The following STMN3 variants were observed in gnomAD, a reference collection of about 807,000 sequenced individuals.
STMN3 encodes the protein stathmin 3.
STMN3 carries 24 observed loss-of-function variants against 23.2 expected under a neutral mutation model. The observed-to-expected ratio is 1.03, with a 90% CI of 0.75 to 1.45. The LOEUF (loss-of-function observed/expected upper bound fraction) is 1.45. STMN3 is among the 40% of genes most tolerant of loss of function. The probability of loss-of-function intolerance (pLI) is 0.00; values close to 1 mark genes in which losing one functional copy is unlikely to be tolerated. For synonymous variants in STMN3, 117 were observed against 103.4 expected (o/e 1.13, Z -0.80); for missense variants, 235 against 237.6 (o/e 0.99, Z 0.07).
chr20:63,647,981 CATATAT>C (rs1233387390), intron 1 of STMN3, among the ~76,000 whole-genome samples: 2 of 68,732 alleles, frequency 2.9e-5, no homozygotes, highest in African/African-American at 1.2e-4. Flanking sequence ...TATATATATA[CATATAT>C]ATATACAGAG....
intron 1 of STMN3, among the ~76,000 whole-genome samples, chr20:63,645,517 G>A (rs2089802337): frequency 6.6e-6 from 1 of 152,216 alleles, no homozygotes; most frequent in South Asian, 2.1e-4. Flanking sequence ...GAAGCAAGCC[G>A]GGCTCCTGTG....
At position 63,652,503 on chromosome 20, in the gene STMN3, C is replaced by T; in HGVS notation, c.19+824G>A. On this transcript the variant is annotated intron_variant, in intron 1 of 4. Coordinates refer to ENST00000370053, the MANE Select transcript of STMN3 (RefSeq NM_015894.4). The surrounding 1 kb of genome is among the most constrained non-coding windows in gnomAD (Gnocchi z 5.3). ...CCCTGCGTCCAGAATCCGCCCCCCGCCCGGGCCTGCGCCCGCCCCTCCGCC... is the reference window on the plus strand; with the variant it reads ...CCCTGCGTCCAGAATCCGCCCCCCGTCCGGGCCTGCGCCCGCCCCTCCGCC... The T allele has an allele frequency of 2.2e-6, 2 of 921,496 alleles. No individual in the cohort carries two copies. The highest frequency in any genetic ancestry group is 5.0e-5 in the South Asian group (1 of 20,008). The allele number at this position is 921,496 out of a possible 1,614,324, so 57.1% of individuals were successfully genotyped here.
At position 63,643,770 on chromosome 20, in the gene STMN3, C is replaced by T. The variant is rs779911765; in HGVS notation, c.277G>A (p.Glu93Lys). 22 of 1,549,006 alleles carry T rather than the reference C, an allele frequency of 1.4e-5. No homozygotes were observed. Among genetic ancestry groups the T allele is most frequent in the Admixed American group, 9.1e-5 (4 of 44,160 alleles). ...EELQKRLEAA[E>K]ERRKTQEAQV... is the part of the protein sequence containing the mutation. ...GGACTCCTTGCCTTCCTCCGCTCCT[C>T]GGCTGCCTCCAGCCGCTTTTGCAGC... The change falls in exon 3 of 5, where the codon GAG becomes AAG. Residue 93 changes from glutamate (E) to lysine (K), a missense_variant. Glu to Lys is a moderately conservative substitution (Grantham distance 56). Transcript: ENST00000370053.
chr20:63,644,552 G>A (rs770918629), intron 1 of STMN3, among the ~76,000 whole-genome samples: 3 of 152,038 alleles, frequency 2.0e-5, no homozygotes, highest in African/African-American at 4.8e-5. Context: ...GCCTCTCCCC[G>A]CTTTTCCTCT....
At chr20:63,642,080 G>A (rs779283354) in intron 4 of STMN3, 28 bp downstream of exon 4, 44 of 1,086,644 alleles carry the variant, frequency 4.0e-5, no homozygotes, top group Non-Finnish European at 5.1e-5. Flanking sequence ...TGCCCGCTCC[G>A]AGCTCCGCCC....
Position 63,652,613 on chromosome 20 carries a change from C to G in STMN3, c.19+714G>C, listed in dbSNP as rs963880548. 153 of 985,374 alleles carry G rather than the reference C, an allele frequency of 1.6e-4. No homozygotes were observed. The highest frequency in any genetic ancestry group is 3.7e-4 in the Admixed American group (6 of 16,290). The allele number at this position is 985,374 out of a possible 1,614,324, so 61.0% of individuals were successfully genotyped here. A position where few individuals can be genotyped will look rare whatever the true frequency, so the allele number is the denominator to read the frequency against. The stretch of plus-strand genomic sequence containing the variant: ...GTCCGCCCCGCGGGAGGTGGAGGGG[C>G]GGGAGGGGCGGAGCCCTCTGGTCTC... On this transcript the variant is annotated intron_variant, in intron 1 of 4. Transcript: ENST00000370053. This position sits in a 1 kb window ranked among gnomAD's most constrained non-coding sequence, Gnocchi z 5.3.
rs1601052688 is a variant in STMN3, at chr20:63,641,153, G to A, written c.*185C>T. On this transcript the variant is annotated 3_prime_UTR_variant, in exon 5 of 5. Coordinates refer to ENST00000370053, the MANE Select transcript of STMN3 (RefSeq NM_015894.4). Reference sequence around the variant, plus strand: ...TCTCACGCCCGGCGGCTCCTGCAGGGGAAGCCGTGGTCAGCGACTCACCAC... The same window carrying A: ...TCTCACGCCCGGCGGCTCCTGCAGGAGAAGCCGTGGTCAGCGACTCACCAC... 1.5e-6 allele frequency: 1 copy of A among 659,950 alleles called. No individual in the cohort carries two copies. Among genetic ancestry groups the A allele is most frequent in the Non-Finnish European group, 2.7e-6 (1 of 363,724 alleles). The allele number at this position is 659,950 out of a possible 1,614,324, so 40.9% of individuals were successfully genotyped here. A position where few individuals can be genotyped will look rare whatever the true frequency, so the allele number is the denominator to read the frequency against.
intron 1 of STMN3, among the ~76,000 whole-genome samples, chr20:63,644,672 C>A (rs759413780): frequency 1.3e-5 from 2 of 152,176 alleles, no homozygotes; most frequent in African/African-American, 2.4e-5. Context: ...GTGTTGAAAT[C>A]GTAACCCCAA....
At chr20:63,649,762 C>T (rs1429683751) in intron 1 of STMN3, among the ~76,000 whole-genome samples, 1 of 151,620 alleles carries the variant, frequency 6.6e-6, no homozygotes, top group Non-Finnish European at 1.5e-5. Flanking sequence ...GATCTCCTGA[C>T]CTTGTGATCC....
rs372127609 is a variant in STMN3, at chr20:63,641,215, C to T, written c.*123G>A. Reference sequence around the variant, plus strand: ...AGGGCGGCTGAGTGCGGAAGAGAAGCATGAAGCTGGGGGCGGGGGTGGGGG... The same window carrying T: ...AGGGCGGCTGAGTGCGGAAGAGAAGTATGAAGCTGGGGGCGGGGGTGGGGG... On this transcript the variant is annotated 3_prime_UTR_variant, in exon 5 of 5. Transcript: ENST00000370053. 8.0e-5 allele frequency: 67 copies of T among 842,376 alleles called. No individual in the cohort carries two copies. Among genetic ancestry groups the T allele is most frequent in the South Asian group, 4.0e-4 (28 of 69,570 alleles). The allele number at this position is 842,376 out of a possible 1,614,324, so 52.2% of individuals were successfully genotyped here.
rs2089792532 is a variant in STMN3 at position 63,644,302 on chromosome 20, C to T, written c.27G>A (p.Lys9=). The change falls in exon 2 of 5, where the codon AAG becomes AAA. Residue 9 remains lysine (K), a synonymous_variant. Transcript: ENST00000370053. Reference sequence around the variant, plus strand: ...GCACCGACAGCTCCTTCATCTTCTCCTTGTAGGCTGTGGGCACAAGGCTGG... The same window carrying T: ...GCACCGACAGCTCCTTCATCTTCTCTTTGTAGGCTGTGGGCACAAGGCTGG... MASTISAY[K]EKMKELSVLS... is the part of the protein sequence containing the mutation. The T allele has an allele frequency of 3.1e-6, 5 of 1,612,280 alleles. No homozygotes were observed. The South Asian group carries it at 3.3e-5, about 11-fold the overall frequency.
intron 1 of STMN3, among the ~76,000 whole-genome samples, chr20:63,647,766 A>ATGTG (rs1569069934): frequency 2.4e-5 from 3 of 125,062 alleles, no homozygotes; most frequent in Non-Finnish European, 5.0e-5. Flanking sequence ...ATATATATAC[A>ATGTG]TATATACACG....
chr20:63,651,053 C>T (rs1295552796), intron 1 of STMN3, among the ~76,000 whole-genome samples: 2 of 151,662 alleles, frequency 1.3e-5, no homozygotes, highest in Non-Finnish European at 2.9e-5. Context: ...TCCCTCTCCC[C>T]GGGTCAAGCA....
intron 4 of STMN3, 85 bp from the exon 5 acceptor site, chr20:63,641,482 C>T: frequency 1.7e-6 from 2 of 1,156,506 alleles, no homozygotes; most frequent in South Asian, 1.4e-5. Context: ...GCCGTGGCGC[C>T]CTGGCACCCG....
At position 63,641,506 on chromosome 20, in the gene STMN3, G is replaced by C. The variant is rs113684003; in HGVS notation, c.484-109C>G. ...CCCTGGCACCCGCCCGGCCTCATCC[G>C]GGCTGGCCTTCGGCAGGACCCTGAC... On this transcript the variant is annotated intron_variant, in intron 4 of 4. Coordinates refer to ENST00000370053, the MANE Select transcript of STMN3 (RefSeq NM_015894.4). The C allele has an allele frequency of 3.0e-4, 261 of 875,366 alleles. 4 individuals are homozygous for C. In the African/African-American group the frequency reaches 4.0e-3, roughly 13 times the overall value. 54.2% of individuals were successfully genotyped at this position (875,366 alleles called of 1,614,324 possible).
At chr20:63,651,508 G>C (rs1018010957) in intron 1 of STMN3, among the ~76,000 whole-genome samples, 41 of 152,180 alleles carry the variant, frequency 2.7e-4, no homozygotes, top group African/African-American at 9.9e-4. Context: ...TGTCACCCAG[G>C]CTGCTTCTCA....
chr20:63,651,940 G>A (rs1186304314), intron 1 of STMN3, among the ~76,000 whole-genome samples: 1 of 152,228 alleles, frequency 6.6e-6, no homozygotes, highest in Non-Finnish European at 1.5e-5. Flanking sequence ...CTGTCAGGAA[G>A]GGCAGGAGGC....
intron 3 of STMN3, among the ~76,000 whole-genome samples, chr20:63,642,624 C>T (rs2089778254): frequency 6.6e-6 from 1 of 152,236 alleles, no homozygotes; most frequent in Admixed American, 6.5e-5. Flanking sequence ...TGCGCGTCTG[C>T]CCCTCCAAGG....
In STMN3 at chr20:63,641,350, CTCT is replaced by C; in HGVS notation, c.528_530del (p.Glu177del). Reference sequence around the variant, plus strand: ...CCGTCCCGGGCCCTTAGCCCGACATCTCTTCTCGCTGCTCCTTGTTCCTGCGCA... The same window carrying C: ...CCGTCCCGGGCCCTTAGCCCGACATCTCTCGCTGCTCCTTGTTCCTGCGCA... On this transcript the variant is annotated inframe_deletion, in exon 5 of 5. Transcript: ENST00000370053. 6.4e-7 allele frequency: 1 copy of C among 1,568,166 alleles called. No homozygotes were observed. Among genetic ancestry groups the C allele is most frequent in the African/African-American group, 1.4e-5 (1 of 73,876 alleles).
Sources: gnomAD v4.1 joint callset for allele counts (sites outside exome capture counted in the v4.1 genomes callset) on GRCh38, gnomAD v4.1.1 for gene constraint, Gnocchi (gnomAD v3.1) non-coding constraint, MANE v1.5 for transcripts, NCBI Gene and HGNC (gene_info 2026-07-23, HGNC 2026-07-21) for gene names.